Variants in GPR176 observed in about 807,000 individuals in gnomAD.
The protein encoded by GPR176 is G protein-coupled receptor 176.
In GPR176, 26 loss-of-function variants were observed where a neutral mutation model predicts 35.4. The ratio of observed to expected loss-of-function variants is 0.74; its 90% CI spans 0.54 to 1.02. The LOEUF is 1.02. GPR176 is among the 50% of genes least tolerant of loss of function. GPR176 has a pLI of 0.00. For synonymous variants in GPR176, 278 were observed against 271.3 expected, an observed-to-expected ratio of 1.02 and a Z score of -0.24; for missense variants, 597 against 665.3, an observed-to-expected ratio of 0.90 and a Z score of 1.13.
chr15:39,854,497 G>A (rs901538981), intron 1 of GPR176, among the ~76,000 whole-genome samples: 2 of 152,070 alleles, frequency 1.3e-5, no homozygotes, highest in African/African-American at 2.4e-5. Flanking sequence ...GAATCTCAGG[G>A]TCTGTAGCCA....
chr15:39,859,497 A>AC (rs1183184743), intron 1 of GPR176, among the ~76,000 whole-genome samples: 3 of 151,528 alleles, frequency 2.0e-5, no homozygotes, highest in Non-Finnish European at 4.4e-5. Context: ...CTGTGAAAAA[A>AC]AAAAAAACAA....
chr15:39,836,838 G>A (rs1025333511), intron 1 of GPR176, among the ~76,000 whole-genome samples: 1 of 152,118 alleles, frequency 6.6e-6, no homozygotes, highest in Non-Finnish European at 1.5e-5. Flanking sequence ...GGCACATGGA[G>A]ATGCTTACTA....
At position 39,817,400 on chromosome 15, in the gene GPR176, A is replaced by T. The variant is rs552846743; in HGVS notation, c.173-10142T>A. 1.1e-3 allele frequency among the ~76,000 whole-genome samples: 161 copies of T among 152,344 alleles called. 1 individual carries two copies. The highest frequency in any genetic ancestry group is 3.7e-3 in the African/African-American group (154 of 41,576). ...AGAATATTCATTATTTGTGAGACTG[A>T]CACTTAAATCCATATTGAAGAATAG... On this transcript the variant is annotated intron_variant, in intron 1 of 2. Transcript: ENST00000561100.
Position 39,807,020 on chromosome 15 carries a change from A to G in GPR176, c.411T>C (p.Ala137=). The G allele has an allele frequency of 6.2e-7, 1 of 1,613,054 alleles. No homozygotes were observed. Among genetic ancestry groups the G allele is most frequent in the Non-Finnish European group, 8.5e-7 (1 of 1,179,578 alleles). ...CCTGATCTTACCTGTCCAAAGCAAT[A>G]GCAGGGAAGCTGAGGATGGTCACAG... ...FCSVTILSFP[A]IALDRYYSVL... Residue 137 remains alanine, a synonymous_variant, in exon 2 of 3, where the codon GCT becomes GCC. Coordinates refer to ENST00000561100, the MANE Select transcript of GPR176 (RefSeq NM_007223.3).
In GPR176 at chr15:39,833,906, G is replaced by A. The variant is rs73397182; in HGVS notation, c.173-26648C>T. On this transcript the variant is annotated intron_variant, in intron 1 of 2. Transcript: ENST00000561100. ...TCATGCACTAGAGGAAGCCGACATTGCTCCCCTATTGAGATGTGCCTCCTG... is the reference window on the plus strand; with the variant it reads ...TCATGCACTAGAGGAAGCCGACATTACTCCCCTATTGAGATGTGCCTCCTG... Among the ~76,000 whole-genome samples the A allele has an allele frequency of 6.8e-3, 1,042 of 152,258 alleles. 12 individuals carry two copies. Among genetic ancestry groups the A allele is most frequent in the African/African-American group, 0.024 (987 of 41,552 alleles).
At chr15:39,906,018 T>G (rs906041120) in intron 1 of GPR176, among the ~76,000 whole-genome samples, 1 of 152,240 alleles carries the variant, frequency 6.6e-6, no homozygotes, top group African/African-American at 2.4e-5. Flanking sequence ...TATTATTCCT[T>G]ATAACTGTAT....
intron 1 of GPR176, among the ~76,000 whole-genome samples, chr15:39,878,518 T>C (rs1305419236): frequency 6.6e-6 from 1 of 151,966 alleles, no homozygotes; most frequent in Non-Finnish European, 1.5e-5. Flanking sequence ...TTTTTATCCA[T>C]TCATCTGTCT....
intron 1 of GPR176, among the ~76,000 whole-genome samples, chr15:39,902,700 CAG>C (rs1467744931): frequency 6.6e-6 from 1 of 152,214 alleles, no homozygotes; most frequent in Non-Finnish European, 1.5e-5. Context: ...AGGTTGACTT[CAG>C]AGAGTTATTC....
chr15:39,904,438 G>C (rs532151643), intron 1 of GPR176, among the ~76,000 whole-genome samples: 37 of 152,246 alleles, frequency 2.4e-4, no homozygotes, highest in Non-Finnish European at 4.4e-4. Flanking sequence ...GTAGTCAAGA[G>C]GTATAAGACT....
chr15:39,836,220 C>G (rs1312658043), intron 1 of GPR176, among the ~76,000 whole-genome samples: 3 of 152,202 alleles, frequency 2.0e-5, no homozygotes, highest in Admixed American at 2.0e-4. Flanking sequence ...TATTGTTTGT[C>G]AGTCTGTCTT....
intron 1 of GPR176, among the ~76,000 whole-genome samples, chr15:39,858,663 T>C (rs776795931): frequency 3.9e-5 from 6 of 152,170 alleles, no homozygotes; most frequent in African/African-American, 9.6e-5. Context: ...CAGTGAGCAG[T>C]GATCACACCA....
At chr15:39,864,721 G>T (rs2031755957) in intron 1 of GPR176, among the ~76,000 whole-genome samples, 1 of 151,992 alleles carries the variant, frequency 6.6e-6, no homozygotes, top group African/African-American at 2.4e-5. Flanking sequence ...AAAAGCTTCT[G>T]TACAGCAAAA....
At chr15:39,875,791 A>C (rs2032220435) in intron 1 of GPR176, among the ~76,000 whole-genome samples, 1 of 152,090 alleles carries the variant, frequency 6.6e-6, no homozygotes, top group Non-Finnish European at 1.5e-5. Flanking sequence ...TACTCCCTTT[A>C]TCATCTTGCT....
rs942536110 is a variant in GPR176 at position 39,892,485 on chromosome 15, T to C, written c.172+27370A>G. ...GTGTCCTCACAAAAAGATATGTTCATGTAATAACCCCTCCTCTACCTCACC... is the reference window on the plus strand; with the variant it reads ...GTGTCCTCACAAAAAGATATGTTCACGTAATAACCCCTCCTCTACCTCACC... On this transcript the variant is annotated intron_variant, in intron 1 of 2. Coordinates refer to ENST00000561100, the MANE Select transcript of GPR176 (RefSeq NM_007223.3). 3.5e-4 allele frequency among the ~76,000 whole-genome samples: 53 copies of C among 152,236 alleles called. 1 individual carries two copies. The highest frequency in any genetic ancestry group is 6.5e-5 in the Admixed American group (1 of 15,278).
At chr15:39,887,515 G>C (rs2032715773) in intron 1 of GPR176, among the ~76,000 whole-genome samples, 1 of 151,340 alleles carries the variant, frequency 6.6e-6, no homozygotes, top group South Asian at 2.1e-4. Flanking sequence ...CATCCAACAG[G>C]TGAAAAACAG....
Position 39,801,457 on chromosome 15 carries a change from G to C in GPR176, c.1223C>G (p.Thr408Ser). The C allele has an allele frequency of 1.9e-6, 3 of 1,614,136 alleles. No individual in the cohort carries two copies. The highest frequency in any genetic ancestry group is 2.5e-6 in the Non-Finnish European group (3 of 1,179,970). Residue 408 changes from threonine (T) to serine (S), a missense_variant, in exon 3 of 3, where the codon ACC becomes AGC. Physicochemically the swap from Thr to Ser is moderately conservative, Grantham distance 58. Around this residue, in one of 3 missense-constraint regions of GPR176, gnomAD observed 251 missense variants for 255.4 expected, o/e 0.98. Transcript: ENST00000561100. The stretch of plus-strand genomic sequence containing the variant: ...TGGCCCCTGCTCTCCCTCCAGGCAG[G>C]TGCTAAATATCTCCTTGGCCTGGAA... ...ADFQAKEIFS[T>S]CLEGEQGPQF...
Position 39,902,100 on chromosome 15 carries a change from T to TA in GPR176, c.172+17754dup, listed in dbSNP as rs572313451. 9.2e-5 allele frequency among the ~76,000 whole-genome samples: 14 copies of TA among 151,984 alleles called. No individual in the cohort carries two copies. The South Asian group carries it at 2.7e-3, about 29-fold the overall frequency. Reference sequence around the variant, plus strand: ...CTCTGTCTCAAAGAAAACGAAAAAATAGACTCCAAGACCCCATGTCAAACC... The same window carrying TA: ...CTCTGTCTCAAAGAAAACGAAAAAATAAGACTCCAAGACCCCATGTCAAACC... On this transcript the variant is annotated intron_variant, in intron 1 of 2. Transcript: ENST00000561100.
At chr15:39,918,791 A>C (rs77433270) in intron 1 of GPR176, among the ~76,000 whole-genome samples, 1,687 of 152,326 alleles carry the variant, frequency 0.011, 31 homozygotes, top group African/African-American at 0.039. Context: ...CAATTAGAGA[A>C]AGTATGAAGG....
At chr15:39,805,490 G>A (rs1405522624) in intron 2 of GPR176, among the ~76,000 whole-genome samples, 1 of 151,650 alleles carries the variant, frequency 6.6e-6, no homozygotes, top group African/African-American at 2.4e-5. Flanking sequence ...GAATAAAAAA[G>A]TCCTGCCCAC....
Sources: gnomAD v4.1 joint callset for allele counts (sites outside exome capture counted in the v4.1 genomes callset) on GRCh38, gnomAD v4.1.1 for gene constraint, gnomAD v4.1.1 regional missense constraint, MANE v1.5 for transcripts, NCBI Gene and HGNC (gene_info 2026-07-23, HGNC 2026-07-21) for gene names.